Variants in GPC5 observed in about 807,000 individuals in gnomAD.
GPC5 encodes the protein glypican-5.
Under a neutral mutation model 53.9 loss-of-function variants are expected in GPC5, and 47 were observed. That is an observed-to-expected ratio of 0.87 (90% CI 0.69 to 1.11). GPC5 has a LOEUF of 1.11. GPC5 is among the 50% of genes most tolerant of loss of function. GPC5 has a pLI of 0.00. For synonymous variants in GPC5, 286 were observed against 263.3 expected, an observed-to-expected ratio of 1.09 and a Z score of -0.84; for missense variants, 748 against 713.1, an observed-to-expected ratio of 1.05 and a Z score of -0.56.
At chr13:92,532,758 A>T (rs1400615339) in intron 7 of GPC5, among the ~76,000 whole-genome samples, 1 of 152,118 alleles carries the variant, frequency 6.6e-6, no homozygotes, top group Non-Finnish European at 1.5e-5. Flanking sequence ...GCTTATTCAT[A>T]TTTTCAAGAG....
chr13:91,827,252 G>A (rs1038977990), intron 5 of GPC5, among the ~76,000 whole-genome samples: 1 of 151,744 alleles, frequency 6.6e-6, no homozygotes, highest in Non-Finnish European at 1.5e-5. Context: ...AACCTATAAA[G>A]CTTTTAAAAG....
At chr13:91,461,114 A>AT (rs573109626) in intron 2 of GPC5, among the ~76,000 whole-genome samples, 2 of 152,206 alleles carry the variant, frequency 1.3e-5, no homozygotes, top group South Asian at 4.1e-4. Context: ...TGCTGAGCTC[A>AT]TTTTTTTCCA....
At chr13:92,320,430 T>G (rs1004064619) in intron 7 of GPC5, among the ~76,000 whole-genome samples, 1 of 152,290 alleles carries the variant, frequency 6.6e-6, no homozygotes. Context: ...CATAATGACA[T>G]GCAGGTGGTT....
intron 7 of GPC5, among the ~76,000 whole-genome samples, chr13:92,157,429 A>T (rs2041952890): frequency 6.6e-6 from 1 of 152,164 alleles, no homozygotes; most frequent in African/African-American, 2.4e-5. Flanking sequence ...TATTTATGAA[A>T]GTTAGGCTGC....
At chr13:92,589,149 A>G (rs567300323) in intron 7 of GPC5, among the ~76,000 whole-genome samples, 1 of 152,306 alleles carries the variant, frequency 6.6e-6, no homozygotes, top group East Asian at 1.9e-4. Context: ...GTCCTAGTAA[A>G]TTAGCACTAA....
At chr13:92,121,772 C>G (rs1263212380) in intron 6 of GPC5, among the ~76,000 whole-genome samples, 1 of 152,170 alleles carries the variant, frequency 6.6e-6, no homozygotes, top group African/African-American at 2.4e-5. Flanking sequence ...CTCCTTTTCT[C>G]TCATTCACAG....
At chr13:92,643,930 C>T (rs1385302443) in intron 7 of GPC5, among the ~76,000 whole-genome samples, 1 of 152,048 alleles carries the variant, frequency 6.6e-6, no homozygotes, top group African/African-American at 2.4e-5. Context: ...TTTTTATGAA[C>T]ACTAAGGAAA....
chr13:91,773,119 T>C (rs1261975892), intron 5 of GPC5, among the ~76,000 whole-genome samples: 1 of 152,152 alleles, frequency 6.6e-6, no homozygotes, highest in Non-Finnish European at 1.5e-5. Context: ...TAATGAATTT[T>C]GCATTTCAGA....
intron 2 of GPC5, among the ~76,000 whole-genome samples, chr13:91,606,180 G>T (rs2033360056): frequency 6.7e-6 from 1 of 149,302 alleles, no homozygotes; most frequent in African/African-American, 2.5e-5. Flanking sequence ...GTTGAATTTT[G>T]TCAAAGGCTT....
At chr13:91,521,050 A>G (rs1251971639) in intron 2 of GPC5, among the ~76,000 whole-genome samples, 2 of 152,128 alleles carry the variant, frequency 1.3e-5, no homozygotes, top group Non-Finnish European at 2.9e-5. Flanking sequence ...TGGAGGTTTA[A>G]AAAAAGATCC....
intron 7 of GPC5, among the ~76,000 whole-genome samples, chr13:92,431,709 G>A (rs989899169): frequency 2.6e-5 from 4 of 152,082 alleles, no homozygotes; most frequent in African/African-American, 9.7e-5. Flanking sequence ...ATGATAACAT[G>A]ATCTTGATTA....
chr13:92,502,368 G>A (rs1007834714), intron 7 of GPC5, among the ~76,000 whole-genome samples: 14 of 151,828 alleles, frequency 9.2e-5, no homozygotes, highest in African/African-American at 3.4e-4. Context: ...CTAAATCTAA[G>A]CATATCAATA....
At chr13:92,016,700 A>C (rs573425346) in intron 6 of GPC5, among the ~76,000 whole-genome samples, 3 of 151,648 alleles carry the variant, frequency 2.0e-5, no homozygotes, top group African/African-American at 7.2e-5. Context: ...TGTAAAATAA[A>C]AATGTTTTCT....
At chr13:92,457,768 T>G (rs1878327846) in intron 7 of GPC5, among the ~76,000 whole-genome samples, 1 of 152,216 alleles carries the variant, frequency 6.6e-6, no homozygotes, top group African/African-American at 2.4e-5. Context: ...TAACTCTGCT[T>G]GCTCTAATAT....
At chr13:92,640,699 G>C (rs1388693497) in intron 7 of GPC5, among the ~76,000 whole-genome samples, 1 of 152,136 alleles carries the variant, frequency 6.6e-6, no homozygotes, top group Non-Finnish European at 1.5e-5. Context: ...AAGTGCTCAA[G>C]AAAACAATGG....
intron 7 of GPC5, among the ~76,000 whole-genome samples, chr13:92,190,232 T>C (rs1398973040): frequency 6.6e-6 from 1 of 152,142 alleles, no homozygotes; most frequent in African/African-American, 2.4e-5. Flanking sequence ...CTCTACTCTA[T>C]GAAATAATCC....
intron 6 of GPC5, among the ~76,000 whole-genome samples, chr13:91,968,531 G>A (rs535716615): frequency 2.0e-5 from 3 of 151,806 alleles, no homozygotes; most frequent in Admixed American, 6.6e-5. Flanking sequence ...GCGCAATCTC[G>A]GCTCACTGCA....
At chr13:92,335,388 G>T (rs960567875) in intron 7 of GPC5, among the ~76,000 whole-genome samples, 1 of 152,102 alleles carries the variant, frequency 6.6e-6, no homozygotes, top group Non-Finnish European at 1.5e-5. Context: ...CAGAAGGGGG[G>T]CCCTCGTCCT....
chr13:91,870,575 C>T (rs2039133202), intron 5 of GPC5, among the ~76,000 whole-genome samples: 1 of 152,120 alleles, frequency 6.6e-6, no homozygotes, highest in South Asian at 2.1e-4. Flanking sequence ...AGGGCACTTA[C>T]CATGAGTAAA....
Sources: allele counts gnomAD v4.1 joint callset (sites outside exome capture counted in the v4.1 genomes callset), GRCh38; gene constraint gnomAD v4.1.1; transcripts MANE v1.5; gene names NCBI Gene and HGNC (gene_info 2026-07-23, HGNC 2026-07-21).